The following GTF2E2 variants were observed in gnomAD, a reference collection of about 807,000 sequenced individuals.
The protein encoded by GTF2E2 is general transcription factor IIE subunit 2.
A neutral mutation model predicts 40.5 loss-of-function variants in GTF2E2; 21 were observed. The ratio of observed to expected loss-of-function variants is 0.52; its 90% CI spans 0.37 to 0.75. The LOEUF (loss-of-function observed/expected upper bound fraction) is 0.75, where lower values mean the gene tolerates loss of function less well. Among genes scored for constraint, GTF2E2 ranks in the 30% least tolerant of loss-of-function variants. The pLI is 0.00. For missense variants in GTF2E2, 298 were observed against 338.4 expected, an observed-to-expected ratio of 0.88 and a Z score of 0.94; for synonymous variants, 117 against 121.6, an observed-to-expected ratio of 0.96 and a Z score of 0.25.
intron 5 of GTF2E2, among the ~76,000 whole-genome samples, chr8:30,609,355 T>C (rs901210713): frequency 6.7e-6 from 1 of 149,466 alleles, no homozygotes; most frequent in Non-Finnish European, 1.5e-5. Flanking sequence ...ATGTTTAAAC[T>C]GGTATAATGA....
chr8:30,600,118 G>C (rs1263084069), intron 6 of GTF2E2, among the ~76,000 whole-genome samples: 1 of 152,144 alleles, frequency 6.6e-6, no homozygotes, highest in East Asian at 1.9e-4. Context: ...AAGTAAAAAA[G>C]TTGCCAGCAA....
intron 6 of GTF2E2, among the ~76,000 whole-genome samples, chr8:30,601,291 C>T (rs1375218321): frequency 6.6e-6 from 1 of 152,194 alleles, no homozygotes; most frequent in Non-Finnish European, 1.5e-5. Context: ...TCTTCCACCA[C>T]CAAGTGTGCG....
At chr8:30,628,682 A>C (rs1801352830) in intron 3 of GTF2E2, among the ~76,000 whole-genome samples, 1 of 152,208 alleles carries the variant, frequency 6.6e-6, no homozygotes, top group Non-Finnish European at 1.5e-5. Flanking sequence ...CTGTAATCCC[A>C]GCATTTTGAG....
At chr8:30,640,548 T>A (rs1476305892) in intron 2 of GTF2E2, among the ~76,000 whole-genome samples, 1 of 152,220 alleles carries the variant, frequency 6.6e-6, no homozygotes, top group Non-Finnish European at 1.5e-5. Context: ...TTTTAAGGCA[T>A]GGGTAGGGAA....
At chr8:30,629,571 C>T (rs1273941536) in intron 3 of GTF2E2, among the ~76,000 whole-genome samples, 1 of 151,790 alleles carries the variant, frequency 6.6e-6, no homozygotes, top group Non-Finnish European at 1.5e-5. Flanking sequence ...CGCCTGTAGT[C>T]CCAGCTCCTC....
intron 6 of GTF2E2, among the ~76,000 whole-genome samples, chr8:30,592,715 C>T (rs184519008): frequency 6.6e-6 from 1 of 152,222 alleles, no homozygotes; most frequent in East Asian, 1.9e-4. Context: ...ACAAGGAAAA[C>T]GTCTGTATGT....
At chr8:30,652,682 T>C (rs1383353878) in intron 2 of GTF2E2, among the ~76,000 whole-genome samples, 1 of 152,192 alleles carries the variant, frequency 6.6e-6, no homozygotes, top group Non-Finnish European at 1.5e-5. Flanking sequence ...AAATTTGACA[T>C]ATGACCCAGA....
chr8:30,651,011 C>CT, intron 2 of GTF2E2, among the ~76,000 whole-genome samples: 1 of 77,010 alleles, frequency 1.3e-5, no homozygotes, highest in South Asian at 4.9e-4. Context: ...AAGACTCCGT[C>CT]TCAAAAAAAA....
rs749794875 is a variant in GTF2E2 at position 30,621,719 on chromosome 8, T to C, written c.259-7004A>G. Reference sequence around the variant, plus strand: ...TTGGTAACCTTACTGAATATACCTATTAATTCCAGTAGTTCCCAGATTCTT... The same window carrying C: ...TTGGTAACCTTACTGAATATACCTACTAATTCCAGTAGTTCCCAGATTCTT... On this transcript the variant is annotated intron_variant, in intron 3 of 7. Coordinates refer to ENST00000355904, the MANE Select transcript of GTF2E2 (RefSeq NM_002095.6). 8.9e-4 allele frequency among the ~76,000 whole-genome samples: 135 copies of C among 152,086 alleles called. 1 individual carries two copies. Among genetic ancestry groups the C allele is most frequent in the Non-Finnish European group, 1.3e-3 (87 of 68,026 alleles).
At chr8:30,591,785 A>C (rs910611181) in intron 6 of GTF2E2, among the ~76,000 whole-genome samples, 1 of 152,246 alleles carries the variant, frequency 6.6e-6, no homozygotes, top group African/African-American at 2.4e-5. Flanking sequence ...TATATACCTA[A>C]GAGAAATGAA....
intron 6 of GTF2E2, among the ~76,000 whole-genome samples, chr8:30,602,070 T>G (rs1183643696): frequency 1.3e-5 from 2 of 151,282 alleles, no homozygotes; most frequent in Non-Finnish European, 2.9e-5. Context: ...CAGGTTGGAG[T>G]GCAGTGGCAC....
At chr8:30,592,648 C>T (rs981131721) in intron 6 of GTF2E2, among the ~76,000 whole-genome samples, 1 of 152,088 alleles carries the variant, frequency 6.6e-6, no homozygotes, top group African/African-American at 2.4e-5. Context: ...ACTTACAATG[C>T]CTGGTACAAT....
chr8:30,582,893 T>C (rs1383870987), intron 6 of GTF2E2, among the ~76,000 whole-genome samples: 1 of 152,194 alleles, frequency 6.6e-6, no homozygotes, highest in African/African-American at 2.4e-5. Flanking sequence ...TGGAGAGATA[T>C]TTTCAGACTA....
chr8:30,649,393 A>C (rs1444905244), intron 2 of GTF2E2, among the ~76,000 whole-genome samples: 1 of 151,988 alleles, frequency 6.6e-6, no homozygotes, highest in African/African-American at 2.4e-5. Flanking sequence ...ATAAATACTG[A>C]TGTGGAAATA....
At chr8:30,623,507 T>A (rs1215248723) in intron 3 of GTF2E2, among the ~76,000 whole-genome samples, 2 of 152,160 alleles carry the variant, frequency 1.3e-5, no homozygotes, top group Non-Finnish European at 1.5e-5. Flanking sequence ...GCAGCATGAT[T>A]TATAATCCTT....
rs1298698703 is a variant in GTF2E2, at chr8:30,635,531, C to T, written c.167-408G>A. On this transcript the variant is annotated intron_variant, in intron 2 of 7. Transcript: ENST00000355904. The stretch of plus-strand genomic sequence containing the variant: ...CTGAGAGGCTGGGACTACAGGTGCA[C>T]ACCACCATGCCTGGCTAATTTTTTT... 2.0e-5 allele frequency among the ~76,000 whole-genome samples: 3 copies of T among 152,080 alleles called. No individual in the cohort carries two copies. The East Asian group carries it at 5.8e-4, about 29-fold the overall frequency.
chr8:30,613,066 T>G (rs962255854), intron 4 of GTF2E2, among the ~76,000 whole-genome samples: 4 of 152,228 alleles, frequency 2.6e-5, no homozygotes, highest in Non-Finnish European at 4.4e-5. Context: ...TTATCACAAC[T>G]ACTTTGAAAA....
At chr8:30,652,538 T>C (rs1211690749) in intron 2 of GTF2E2, among the ~76,000 whole-genome samples, 1 of 137,602 alleles carries the variant, frequency 7.3e-6, no homozygotes, top group Non-Finnish European at 1.6e-5. Flanking sequence ...ACTATAGAAA[T>C]AGCTATGATT....
rs75718105 is a variant in GTF2E2, at chr8:30,653,702, C to G, written c.-4-100G>C. 5.1e-3 allele frequency: 3,951 copies of G among 770,352 alleles called. 124 individuals are homozygous for G. In the African/African-American group the frequency reaches 0.062, roughly 12 times the overall value. 47.7% of individuals were successfully genotyped at this position (770,352 alleles called of 1,614,324 possible). ...ACAAGTTACTTCCCAAACAAAATTA[C>G]CTTTTATTATTAGTTCTCTAGCACT... On this transcript the variant is annotated intron_variant, in intron 1 of 7. Coordinates refer to ENST00000355904, the MANE Select transcript of GTF2E2 (RefSeq NM_002095.6).
Sources: allele counts gnomAD v4.1 joint callset (sites outside exome capture counted in the v4.1 genomes callset), GRCh38; gene constraint gnomAD v4.1.1; transcripts MANE v1.5; gene names NCBI Gene and HGNC (gene_info 2026-07-23, HGNC 2026-07-21).